Variants in CTXND2 observed in about 807,000 individuals in gnomAD.
The protein encoded by CTXND2 is cortexin domain containing 2.
intron 1 of CTXND2, among the ~76,000 whole-genome samples, chr1:150,898,930 A>AT (rs201110154): frequency 0.024 from 3,452 of 141,802 alleles, 52 homozygotes; most frequent in Non-Finnish European, 0.032. Flanking sequence ...ACAAAAAAAA[A>AT]AATATATATA....
At chr1:150,900,229 G>A (rs587606525) in intron 1 of CTXND2, among the ~76,000 whole-genome samples, 1 of 152,132 alleles carries the variant, frequency 6.6e-6, no homozygotes, top group East Asian at 1.9e-4. Context: ...CTTCACTCCT[G>A]AAGTCAGTGA....
intron 1 of CTXND2, among the ~76,000 whole-genome samples, chr1:150,894,644 T>C (rs887942538): frequency 2.6e-5 from 4 of 152,248 alleles, no homozygotes; most frequent in African/African-American, 9.6e-5. Context: ...GTCTGGACTT[T>C]CAGTGTACCC....
intron 1 of CTXND2, among the ~76,000 whole-genome samples, chr1:150,888,469 C>T (rs1668805197): frequency 6.6e-6 from 1 of 151,794 alleles, no homozygotes; most frequent in African/African-American, 2.4e-5. Flanking sequence ...CCCGCGACCT[C>T]GGCCTCCCAA....
chr1:150,907,201 C>A (rs1669163089), intron 1 of CTXND2, among the ~76,000 whole-genome samples: 1 of 152,182 alleles, frequency 6.6e-6, no homozygotes, highest in South Asian at 2.1e-4. Context: ...AATTCACATA[C>A]AATTCAACCA....
chr1:150,896,474 A>G (rs1668915108), intron 1 of CTXND2, among the ~76,000 whole-genome samples: 2 of 152,218 alleles, frequency 1.3e-5, no homozygotes, highest in South Asian at 4.1e-4. Context: ...AATTCTGCAA[A>G]TAGGCTTTCA....
chr1:150,906,425 C>G (rs587698144), intron 1 of CTXND2, among the ~76,000 whole-genome samples: 1 of 152,206 alleles, frequency 6.6e-6, no homozygotes, highest in Admixed American at 6.5e-5. Flanking sequence ...CCCTTCCTCC[C>G]AAAGCCAAAG....
chr1:150,892,861 C>T (rs868748946), intron 1 of CTXND2, among the ~76,000 whole-genome samples: 3 of 152,044 alleles, frequency 2.0e-5, no homozygotes, highest in Admixed American at 6.6e-5. Context: ...ATCCTTGAGC[C>T]TTTGAGTTCC....
intron 1 of CTXND2, among the ~76,000 whole-genome samples, chr1:150,902,567 A>G (rs1173026331): frequency 6.6e-6 from 1 of 152,100 alleles, no homozygotes; most frequent in Non-Finnish European, 1.5e-5. Flanking sequence ...AATGAGATTC[A>G]TCACCTATAG....
chr1:150,908,529 T>C lies in CTXND2; in HGVS notation c.-73-3713T>C, dbSNP rs181505345. 2.3e-3 allele frequency among the ~76,000 whole-genome samples: 351 copies of C among 152,288 alleles called. 1 individual carries two copies. Among genetic ancestry groups the C allele is most frequent in the African/African-American group, 8.2e-3 (341 of 41,548 alleles). ...CTAATTACGTTGACCATTTAAAAAA[T>C]GTGTTTATTGGCCATTTGCATATCT... On this transcript the variant is annotated intron_variant, in intron 1 of 1. Coordinates refer to ENST00000636087, the Ensembl canonical transcript of CTXND2.
exon 2 of CTXND2, chr1:150,913,245 TC>T (rs1669284170): frequency 6.6e-6 from 1 of 152,242 alleles, no homozygotes; most frequent in African/African-American, 2.4e-5. Context: ...ATTTTGGACT[TC>T]CGGCCTTCAC....
At chr1:150,898,794 G>C (rs1668948492) in intron 1 of CTXND2, among the ~76,000 whole-genome samples, 1 of 147,920 alleles carries the variant, frequency 6.8e-6, no homozygotes, top group Admixed American at 6.8e-5. Context: ...GCAGGGCGGG[G>C]GGCCCGGGCA....
In CTXND2 at chr1:150,897,063, A is replaced by G. The variant is rs187298707; in HGVS notation, c.-74+9750A>G. On this transcript the variant is annotated intron_variant, in intron 1 of 1. Transcript: ENST00000636087. ...GTGAGAAGCCCACTATTGCCAGGTT[A>G]GAAAGTACAAGGGACAGAGAGGTAA... 7.2e-5 allele frequency among the ~76,000 whole-genome samples: 11 copies of G among 152,304 alleles called. No homozygotes were observed. The East Asian group carries it at 2.1e-3, about 29-fold the overall frequency.
At chr1:150,892,428 G>A (rs759838279) in intron 1 of CTXND2, among the ~76,000 whole-genome samples, 33 of 151,804 alleles carry the variant, frequency 2.2e-4, no homozygotes, top group South Asian at 4.2e-4. Flanking sequence ...TACCTACCCC[G>A]TTGTCATAAA....
intron 1 of CTXND2, among the ~76,000 whole-genome samples, chr1:150,891,093 A>G (rs1668843919): frequency 6.6e-6 from 1 of 152,126 alleles, no homozygotes. Context: ...ATTGACAAAC[A>G]TTTCCTACAG....
chr1:150,907,175 A>T (rs1328210198), intron 1 of CTXND2, among the ~76,000 whole-genome samples: 1 of 152,264 alleles, frequency 6.6e-6, no homozygotes, highest in Non-Finnish European at 1.5e-5. Context: ...TACAAAAACC[A>T]GCTTTATTAA....
At chr1:150,904,614 A>T (rs1669104873) in intron 1 of CTXND2, among the ~76,000 whole-genome samples, 1 of 152,174 alleles carries the variant, frequency 6.6e-6, no homozygotes, top group Admixed American at 6.6e-5. Flanking sequence ...ACCAAGCAAG[A>T]TTCACCTGTG....
chr1:150,902,922 C>T (rs1198520899), intron 1 of CTXND2, among the ~76,000 whole-genome samples: 1 of 151,908 alleles, frequency 6.6e-6, no homozygotes, highest in Non-Finnish European at 1.5e-5. Context: ...AGCAACTTTC[C>T]CCAAGAAAAC....
intron 1 of CTXND2, among the ~76,000 whole-genome samples, chr1:150,899,712 CT>C (rs1402659880): frequency 6.6e-6 from 1 of 152,110 alleles, no homozygotes; most frequent in East Asian, 1.9e-4. Context: ...AATCCCAACA[CT>C]TTGGGAGGCC....
At chr1:150,909,560 GAA>G (rs1180541915) in intron 1 of CTXND2, among the ~76,000 whole-genome samples, 1 of 152,024 alleles carries the variant, frequency 6.6e-6, no homozygotes, top group East Asian at 1.9e-4. Flanking sequence ...CTGTCTCAAA[GAA>G]AAAAGTTTTA....
Sources: allele counts gnomAD v4.1 joint callset (sites outside exome capture counted in the v4.1 genomes callset), GRCh38; gene constraint gnomAD v4.1.1; transcripts MANE v1.5; gene names NCBI Gene and HGNC (gene_info 2026-07-23, HGNC 2026-07-21).